Variants in PIN4 observed in about 807,000 individuals in gnomAD.
PIN4 encodes peptidyl-prolyl cis-trans isomerase NIMA-interacting 4.
Under a neutral mutation model 8.3 loss-of-function variants are expected in PIN4, and 3 were observed. The ratio of observed to expected loss-of-function variants is 0.36; its 90% CI spans 0.16 to 0.93. PIN4 has a LOEUF of 0.93. Among genes scored for constraint, PIN4 ranks in the 40% least tolerant of loss-of-function variants. PIN4 has a pLI of 0.44. For synonymous variants in PIN4, 18 were observed against 32.5 expected (o/e 0.55, Z 1.52); for missense variants, 75 against 100.6 (o/e 0.75, Z 1.09).
chrX:72,245,107 G>A (rs964595983), intron 3 of PIN4, among the ~76,000 whole-genome samples: 2 of 91,939 alleles, frequency 2.2e-5, no homozygotes, highest in African/African-American at 4.1e-5. Flanking sequence ...AAAAGGAGCC[G>A]AGAGTGGGTT....
chrX:72,188,368 T>A (rs2042714168), intron 2 of PIN4, among the ~76,000 whole-genome samples: 1 of 111,907 alleles, frequency 8.9e-6, no homozygotes, highest in Non-Finnish European at 1.9e-5. Flanking sequence ...TTTTTATTTT[T>A]TTTTTTGAGA....
intron 2 of PIN4, among the ~76,000 whole-genome samples, chrX:72,193,621 A>C (rs1386887612): frequency 8.9e-6 from 1 of 111,884 alleles, no homozygotes; most frequent in Non-Finnish European, 1.9e-5. Context: ...TATAATCCCA[A>C]CATTTTTGGG....
At chrX:72,221,570 A>G (rs934440420) in intron 3 of PIN4, among the ~76,000 whole-genome samples, 2 of 110,675 alleles carry the variant, frequency 1.8e-5, no homozygotes, top group African/African-American at 3.3e-5. Flanking sequence ...TCACAACCTC[A>G]CCAAACTTGG....
At chrX:72,220,244 T>TA (rs1220812721) in intron 3 of PIN4, among the ~76,000 whole-genome samples, 2 of 110,931 alleles carry the variant, frequency 1.8e-5, no homozygotes, top group Non-Finnish European at 3.8e-5. Flanking sequence ...GGACTAAAGA[T>TA]AAAAAATGTA....
Position 72,207,730 on chromosome X carries a change from T to A in PIN4, c.312+10826T>A, listed in dbSNP as rs149128529. On this transcript the variant is annotated intron_variant, in intron 3 of 3. Coordinates refer to the PIN4 transcript ENST00000423432. ...GGCATCAACATCTGGATTCTTTTCA[T>A]TAAGTCTGGCCTCTGGGTTGCTTGA... 1.0e-4 allele frequency: 127 copies of A among 1,210,098 alleles called. No homozygotes were observed. Among genetic ancestry groups the A allele is most frequent in the Admixed American group, 4.4e-4 (20 of 45,699 alleles).
chrX:72,221,551 C>G (rs1337450274), intron 3 of PIN4, among the ~76,000 whole-genome samples: 1 of 111,394 alleles, frequency 9.0e-6, no homozygotes, highest in Non-Finnish European at 1.9e-5. Context: ...CCCCACTGGG[C>G]TGCCTCCTTC....
chrX:72,185,420 CCA>C (rs1446096902), intron 1 of PIN4, among the ~76,000 whole-genome samples: 2 of 111,565 alleles, frequency 1.8e-5, no homozygotes, highest in African/African-American at 6.5e-5. Flanking sequence ...CTGGCTGGCT[CCA>C]GTGTCCCTCT....
chrX:72,225,938 T>C (rs2147599339), intron 3 of PIN4, among the ~76,000 whole-genome samples: 1 of 111,845 alleles, frequency 8.9e-6, no homozygotes, highest in Non-Finnish European at 1.9e-5. Context: ...GCTTAAAAAT[T>C]TTGGTCACAG....
chrX:72,205,121 T>C (rs1243123342), intron 3 of PIN4: 36 of 1,209,881 alleles, frequency 3.0e-5, no homozygotes, highest in Non-Finnish European at 3.4e-5. Context: ...GCCTCCTGGA[T>C]TTTTCCACAC....
chrX:72,193,222 C>G (rs998841851), intron 2 of PIN4, among the ~76,000 whole-genome samples: 2 of 111,407 alleles, frequency 1.8e-5, no homozygotes, highest in African/African-American at 6.6e-5. Flanking sequence ...CTATCTGTGA[C>G]CACGAATGCA....
At chrX:72,220,832 G>A (rs1260053573) in intron 3 of PIN4, among the ~76,000 whole-genome samples, 1 of 111,893 alleles carries the variant, frequency 8.9e-6, no homozygotes. Flanking sequence ...AAGTAAACCT[G>A]CCTCTAACTG....
At chrX:72,201,139 C>T (rs992935194), downstream of PIN4, among the ~76,000 whole-genome samples, 2 of 110,652 alleles carry the variant, frequency 1.8e-5, no homozygotes. Flanking sequence ...AGAGTTAAGG[C>T]TGCAGTGAGC....
At chrX:72,186,163 A>C in intron 1 of PIN4, 2 of 320,964 alleles carry the variant, frequency 6.2e-6, no homozygotes, top group Non-Finnish European at 1.1e-5. Context: ...CTTTGAATGC[A>C]GCCCAACACA....
At chrX:72,232,627 G>A (rs1015526009) in intron 3 of PIN4, among the ~76,000 whole-genome samples, 2 of 110,983 alleles carry the variant, frequency 1.8e-5, no homozygotes, top group South Asian at 3.7e-4. Context: ...TGGCTAACAT[G>A]ACGAAACCCC....
rs775257832 is a variant in PIN4 at position 72,253,660 on chromosome X, G to T, written c.313-9047G>T. 6.1e-4 allele frequency among the ~76,000 whole-genome samples: 65 copies of T among 107,390 alleles called. 2 individuals carry two copies. The South Asian group carries it at 0.026, about 43-fold the overall frequency. The allele number at this position is 107,390 out of a possible 115,157, so 93.3% of individuals were successfully genotyped here. A position where few individuals can be genotyped will look rare whatever the true frequency, so the allele number is the denominator to read the frequency against. On this transcript the variant is annotated intron_variant, in intron 3 of 3. Coordinates refer to the PIN4 transcript ENST00000423432. ...AAAGAAAAAAGAAAATCAACGCGGG[G>T]CGTGGTGGCTCATACTGTAATCCCA... is the stretch of plus-strand genomic sequence containing the variant.
At chrX:72,219,826 C>T (rs1184998385) in intron 3 of PIN4, among the ~76,000 whole-genome samples, 3 of 100,688 alleles carry the variant, frequency 3.0e-5, no homozygotes, top group Non-Finnish European at 4.0e-5. Flanking sequence ...TCCAGCCTGG[C>T]GACACAGTGA....
rs755772172 is a variant in PIN4 at position 72,232,734 on chromosome X, C to T, written c.313-29973C>T. Reference sequence around the variant, plus strand: ...CTGAGGCAGGAGAATCACTTGAACCCGGGAGGTGGAGGTTGCAGTGAGCTG... The same window carrying T: ...CTGAGGCAGGAGAATCACTTGAACCTGGGAGGTGGAGGTTGCAGTGAGCTG... On this transcript the variant is annotated intron_variant, in intron 3 of 3. Transcript: ENST00000423432. Among the ~76,000 whole-genome samples, 70 of 111,681 alleles carry T rather than the reference C, an allele frequency of 6.3e-4. 1 individual carries two copies. The highest frequency in any genetic ancestry group is 1.8e-3 in the South Asian group (5 of 2,708).
chrX:72,232,693 C>G (rs1445995959), intron 3 of PIN4, among the ~76,000 whole-genome samples: 1 of 111,170 alleles, frequency 9.0e-6, no homozygotes, highest in Non-Finnish European at 1.9e-5. Context: ...ACCTGTAATC[C>G]CAGCTACTCA....
chrX:72,188,239 G>A (rs949991859), intron 2 of PIN4, among the ~76,000 whole-genome samples: 2 of 112,740 alleles, frequency 1.8e-5, no homozygotes, highest in Non-Finnish European at 3.7e-5. Flanking sequence ...TCTCCCATAT[G>A]ACATCTTCAT....
Sources: allele counts gnomAD v4.1 joint callset (sites outside exome capture counted in the v4.1 genomes callset), GRCh38; gene constraint gnomAD v4.1.1; transcripts MANE v1.5; gene names NCBI Gene and HGNC (gene_info 2026-07-23, HGNC 2026-07-21).